LRRC1: variants seen among roughly 807,000 people sequenced by gnomAD.
LRRC1 encodes leucine rich repeat containing 1, also known as leucine-rich repeat-containing protein 1.
In LRRC1, 28 loss-of-function variants were observed where a neutral mutation model predicts 69.9. The observed-to-expected ratio is 0.40, with a 90% CI of 0.30 to 0.55. The LOEUF is 0.55. Ranked by LOEUF, LRRC1 falls within the 20% of genes least tolerant of loss-of-function variation. The pLI is 0.47. For missense variants in LRRC1, 498 were observed against 609.0 expected, an observed-to-expected ratio of 0.82 and a Z score of 1.92; for synonymous variants, 236 against 240.2, an observed-to-expected ratio of 0.98 and a Z score of 0.16.
chr6:53,884,691 CT>C (rs1194453288), intron 4 of LRRC1, among the ~76,000 whole-genome samples: 3 of 152,072 alleles, frequency 2.0e-5, no homozygotes, highest in Admixed American at 2.0e-4. Flanking sequence ...ATTCCTACCC[CT>C]CTCCTTTTTT....
intron 2 of LRRC1, among the ~76,000 whole-genome samples, chr6:53,853,905 G>T (rs750600163): frequency 1.8e-4 from 27 of 152,296 alleles, no homozygotes; most frequent in Middle Eastern, 6.8e-3. Context: ...CTTTCTCAAG[G>T]TGTGGATATT....
chr6:53,836,594 A>G (rs547775961), intron 1 of LRRC1, among the ~76,000 whole-genome samples: 23 of 152,176 alleles, frequency 1.5e-4, no homozygotes, highest in Non-Finnish European at 2.9e-4. Context: ...CTTAGTGGTA[A>G]TTGGTATTTT....
rs997108185 is a variant in LRRC1 at position 53,921,002 on chromosome 6, C to G, written c.1416+241C>G. Among the ~76,000 whole-genome samples the G allele has an allele frequency of 1.1e-4, 17 of 152,008 alleles. No homozygotes were observed. In the South Asian group the frequency reaches 2.9e-3, roughly 26 times the overall value. ...TTCTTTTTTGAGACAGAGTCTCCCT[C>G]TATCACCCAGGCTGGAGTGCAGTGG... On this transcript the variant is annotated intron_variant, in intron 13 of 13. Coordinates refer to ENST00000370888, the MANE Select transcript of LRRC1 (RefSeq NM_018214.5).
chr6:53,842,353 A>G (rs1473584826), intron 2 of LRRC1, 126 bp downstream of exon 2: 8 of 643,906 alleles, frequency 1.2e-5, no homozygotes, highest in Non-Finnish European at 2.2e-5. Flanking sequence ...TTCGCTGAGA[A>G]TGATGGTTTC....
At chr6:53,822,763 G>A (rs1045384291) in intron 1 of LRRC1, among the ~76,000 whole-genome samples, 3 of 152,148 alleles carry the variant, frequency 2.0e-5, no homozygotes, top group African/African-American at 7.2e-5. Context: ...GGTGGAATAT[G>A]CTCCTTCATA....
In LRRC1 at chr6:53,813,536, G is replaced by GTTTTT. The variant is rs373976626; in HGVS notation, c.159+18130_159+18134dup. ...CCTGCTGTTACTGCCTGGCTCAGTG[G>GTTTTT]TTTTTTTTTTTTTCTTTTTTTTTCT... is the stretch of plus-strand genomic sequence containing the variant. On this transcript the variant is annotated intron_variant, in intron 1 of 13. Coordinates refer to ENST00000370888, the MANE Select transcript of LRRC1 (RefSeq NM_018214.5). Among the ~76,000 whole-genome samples, 40 of 123,652 alleles carry GTTTTT rather than the reference G, an allele frequency of 3.2e-4. 5 individuals carry two copies. Among genetic ancestry groups the GTTTTT allele is most frequent in the Admixed American group, 6.3e-4 (7 of 11,056 alleles). The allele number at this position is 123,652 out of a possible 152,430, so 81.1% of individuals were successfully genotyped here.
rs535691974 is a variant in LRRC1, at chr6:53,805,099, C to T, written c.159+9684C>T. Among the ~76,000 whole-genome samples, 7 of 151,990 alleles carry T rather than the reference C, an allele frequency of 4.6e-5. No homozygotes were observed. In the South Asian group the frequency reaches 1.2e-3, roughly 27 times the overall value. Reference sequence around the variant, plus strand: ...TTTTCCGTAGGTCTGGAAAAGGCCTCGGGTAGGCTTTAGTCAGTTGAGCAG... The same window carrying T: ...TTTTCCGTAGGTCTGGAAAAGGCCTTGGGTAGGCTTTAGTCAGTTGAGCAG... On this transcript the variant is annotated intron_variant, in intron 1 of 13. Coordinates refer to ENST00000370888, the MANE Select transcript of LRRC1 (RefSeq NM_018214.5).
chr6:53,857,671 C>T (rs770235352), intron 2 of LRRC1, among the ~76,000 whole-genome samples: 4 of 152,194 alleles, frequency 2.6e-5, no homozygotes, highest in Admixed American at 6.5e-5. Flanking sequence ...AGTCAATAAA[C>T]GTGCACTGAA....
intron 1 of LRRC1, among the ~76,000 whole-genome samples, chr6:53,830,513 G>A (rs1367688351): frequency 6.6e-6 from 1 of 152,180 alleles, no homozygotes; most frequent in Non-Finnish European, 1.5e-5. Flanking sequence ...CCAAAATGTG[G>A]TGATCAGCAT....
intron 1 of LRRC1, among the ~76,000 whole-genome samples, chr6:53,820,090 T>G (rs1194814034): frequency 6.6e-6 from 1 of 152,160 alleles, no homozygotes; most frequent in Non-Finnish European, 1.5e-5. Flanking sequence ...CAGGTCTAAA[T>G]TTAATCTCAT....
intron 1 of LRRC1, among the ~76,000 whole-genome samples, chr6:53,835,318 C>T (rs1025918966): frequency 2.0e-5 from 3 of 152,168 alleles, no homozygotes; most frequent in Admixed American, 2.0e-4. Context: ...TGTGTGCTAA[C>T]AGGATTTTCA....
Position 53,919,485 on chromosome 6 carries a change from A to AAC in LRRC1, c.1107-12_1107-11insCA. 6.7e-7 allele frequency: 1 copy of AAC among 1,494,930 alleles called. No individual in the cohort carries two copies. The highest frequency in any genetic ancestry group is 8.9e-7 in the Non-Finnish European group (1 of 1,128,262). 92.6% of individuals were successfully genotyped at this position (1,494,930 alleles called of 1,614,324 possible). ...TGTGATGTCTCTTTTTTTAAAAAAAAAAAAAAAAACAGGTTGCTGCATCTA... is the reference window on the plus strand; with the variant it reads ...TGTGATGTCTCTTTTTTTAAAAAAAAACAAAAAAAAACAGGTTGCTGCATCTA... On this transcript the variant is annotated splice_polypyrimidine_tract_variant and intron_variant, in intron 11 of 13. Coordinates refer to ENST00000370888, the MANE Select transcript of LRRC1 (RefSeq NM_018214.5).
chr6:53,867,985 C>T (rs1297508644), intron 2 of LRRC1, among the ~76,000 whole-genome samples: 1 of 151,652 alleles, frequency 6.6e-6, no homozygotes, highest in African/African-American at 2.4e-5. Flanking sequence ...TTTTGTTTCA[C>T]CTTATGTAAA....
intron 10 of LRRC1, chr6:53,905,092 C>G (rs1333005280): frequency 6.6e-6 from 1 of 152,014 alleles, no homozygotes. Flanking sequence ...TAAATTCTGG[C>G]AAGGGAGGTG....
At position 53,919,631 on chromosome 6, in the gene LRRC1, G is replaced by T; in HGVS notation, c.1240G>T (p.Val414Phe). 1.2e-6 allele frequency: 2 copies of T among 1,613,022 alleles called. No homozygotes were observed. Among genetic ancestry groups the T allele is most frequent in the Non-Finnish European group, 1.7e-6 (2 of 1,179,758 alleles). The change falls in exon 12 of 14, where the codon GTC becomes TTC. Residue 414 changes from valine to phenylalanine, a missense_variant. Coordinates refer to ENST00000370888, the MANE Select transcript of LRRC1 (RefSeq NM_018214.5). ...CACAGGAGAGAAGATTTTAACCTGT[G>T]TCTTACTTCCTCAGCTGCCTTCTGA... ...YTTGEKILTC[V>F]LLPQLPSEPT...
At chr6:53,898,405 A>G (rs186356518) in intron 7 of LRRC1, among the ~76,000 whole-genome samples, 5 of 152,336 alleles carry the variant, frequency 3.3e-5, no homozygotes, top group African/African-American at 1.2e-4. Context: ...CTATCATGAC[A>G]TTATCAGGAA....
chr6:53,828,397 G>A (rs2127411498), intron 1 of LRRC1, among the ~76,000 whole-genome samples: 1 of 152,330 alleles, frequency 6.6e-6, no homozygotes, highest in Admixed American at 6.5e-5. Context: ...GCAGGCTGAT[G>A]CCGGAGGGGC....
At chr6:53,804,248 T>A (rs1445089610) in intron 1 of LRRC1, among the ~76,000 whole-genome samples, 2 of 152,238 alleles carry the variant, frequency 1.3e-5, no homozygotes, top group African/African-American at 2.4e-5. Context: ...TAAATTTTTT[T>A]ATTTTATTTT....
At chr6:53,839,666 T>C (rs1765710056) in intron 1 of LRRC1, among the ~76,000 whole-genome samples, 1 of 152,144 alleles carries the variant, frequency 6.6e-6, no homozygotes, top group Admixed American at 6.5e-5. Context: ...GTTCTTACAG[T>C]TTCTTTCCCA....
Sources: allele counts gnomAD v4.1 joint callset (sites outside exome capture counted in the v4.1 genomes callset), GRCh38; gene constraint gnomAD v4.1.1; transcripts MANE v1.5; gene names NCBI Gene and HGNC (gene_info 2026-07-23, HGNC 2026-07-21).